RAB33A: variants seen among roughly 807,000 people sequenced by gnomAD.
RAB33A encodes the protein ras-related protein Rab-33A.
Under a neutral mutation model 12.0 loss-of-function variants are expected in RAB33A, and 6 were observed. The observed-to-expected ratio is 0.50, with a 90% CI of 0.27 to 0.99. RAB33A has a LOEUF of 0.99. Among genes scored for constraint, RAB33A ranks in the 50% least tolerant of loss-of-function variants. The probability of loss-of-function intolerance (pLI) is 0.11; values close to 1 mark genes in which losing one functional copy is unlikely to be tolerated. For missense variants in RAB33A, 109 were observed against 192.0 expected (o/e 0.57, Z 2.55); for synonymous variants, 70 against 82.4 (o/e 0.85, Z 0.81).
At chrX:130,175,702 A>C (rs1326523317) in intron 1 of RAB33A, among the ~76,000 whole-genome samples, 2 of 110,176 alleles carry the variant, frequency 1.8e-5, no homozygotes, top group African/African-American at 6.6e-5. Context: ...TCACCATGTT[A>C]GCCAGGCTGG....
At chrX:130,171,542 A>C, upstream of RAB33A, 1 of 117,597 alleles carries the variant, frequency 8.5e-6, no homozygotes, top group Non-Finnish European at 1.8e-5. Context: ...GGGGGTGGGG[A>C]GCCCGAAACC....
At chrX:130,175,748 C>T (rs776881267) in intron 1 of RAB33A, among the ~76,000 whole-genome samples, 11 of 111,191 alleles carry the variant, frequency 9.9e-5, no homozygotes, top group Non-Finnish European at 1.5e-4. Context: ...CCACCTGCCT[C>T]GACCTCCCAA....
chrX:130,171,138 A>G (rs770841982), upstream of RAB33A, among the ~76,000 whole-genome samples: 1 of 112,933 alleles, frequency 8.9e-6, no homozygotes, highest in African/African-American at 3.2e-5. Flanking sequence ...AGAAACAGTT[A>G]CACCCCCTAC....
At chrX:130,155,267 T>C in the RAB33A span, 1 of 1,210,773 alleles carries the variant, frequency 8.3e-7, no homozygotes, top group South Asian at 1.8e-5. Flanking sequence ...AAGGGGATCC[T>C]AGGTGATGAG....
chrX:130,169,499 T>A (rs1487670852), upstream of RAB33A, among the ~76,000 whole-genome samples: 1 of 111,742 alleles, frequency 8.9e-6, no homozygotes, highest in African/African-American at 3.2e-5. Context: ...TTACAATAGG[T>A]ACAATAAGGT....
At chrX:130,128,631 TG>T in the RAB33A span, among the ~76,000 whole-genome samples, 1 of 112,348 alleles carries the variant, frequency 8.9e-6, no homozygotes, top group Non-Finnish European at 1.9e-5. Flanking sequence ...TGCCAAACAA[TG>T]AGTTGACTTG....
chrX:130,136,755 G>C, the RAB33A span: 3 of 1,182,673 alleles, frequency 2.5e-6, no homozygotes, highest in Non-Finnish European at 3.5e-6. Context: ...CAAGACCTGA[G>C]AGTGAGCCTA....
the RAB33A span, chrX:130,136,540 G>T: frequency 2.7e-6 from 2 of 747,812 alleles, no homozygotes; most frequent in Non-Finnish European, 2.1e-6. Context: ...AATGGCAACT[G>T]CCAGGAAAAC....
the RAB33A span, among the ~76,000 whole-genome samples, chrX:130,127,833 G>A: frequency 4.6e-5 from 5 of 108,583 alleles, no homozygotes; most frequent in Admixed American, 2.0e-4. Flanking sequence ...GGGACTACAG[G>A]TGCATGCCAC....
the RAB33A span, among the ~76,000 whole-genome samples, chrX:130,111,785 G>T: frequency 8.9e-6 from 1 of 112,236 alleles, no homozygotes. Flanking sequence ...AGCCACTCAG[G>T]CACGCTCCCC....
the RAB33A span, among the ~76,000 whole-genome samples, chrX:130,117,797 CAG>C: frequency 8.9e-6 from 1 of 112,309 alleles, no homozygotes; most frequent in Admixed American, 9.4e-5. Context: ...CCAGTGGTGC[CAG>C]AGTTAACCCC....
chrX:130,117,997 C>T, the RAB33A span, among the ~76,000 whole-genome samples: 1 of 112,127 alleles, frequency 8.9e-6, no homozygotes, highest in East Asian at 2.8e-4. Flanking sequence ...TTCTGCAGGC[C>T]CTTGAGTGTG....
chrX:130,177,632 T>C (rs2031676130), intron 1 of RAB33A, among the ~76,000 whole-genome samples: 1 of 111,659 alleles, frequency 9.0e-6, no homozygotes, highest in African/African-American at 3.3e-5. Flanking sequence ...CTAATCCTCA[T>C]AGCATCCCTA....
chrX:130,182,491 A>C (rs1056239281), intron 1 of RAB33A, among the ~76,000 whole-genome samples: 1 of 110,999 alleles, frequency 9.0e-6, no homozygotes, highest in Non-Finnish European at 1.9e-5. Context: ...GTGGTGGCTC[A>C]TGCCTGTAAT....
At chrX:130,138,281 C>T in the RAB33A span, among the ~76,000 whole-genome samples, 34 of 110,243 alleles carry the variant, frequency 3.1e-4, no homozygotes, top group Non-Finnish European at 5.3e-4. Flanking sequence ...CTGGCTAACA[C>T]GGTGAAACCC....
chrX:130,136,118 C>T, the RAB33A span: 10 of 1,210,118 alleles, frequency 8.3e-6, no homozygotes, highest in Admixed American at 2.2e-4. Context: ...TATTTCCAGG[C>T]CACCAGTCTT....
chrX:130,137,860 C>T, the RAB33A span: 1 of 528,102 alleles, frequency 1.9e-6, no homozygotes, highest in Non-Finnish European at 2.4e-6. Flanking sequence ...GTTGGGAGTT[C>T]AAGACCAGCC....
chrX:130,168,979 G>A (rs1299827137), upstream of RAB33A, among the ~76,000 whole-genome samples: 1 of 110,284 alleles, frequency 9.1e-6, no homozygotes, highest in Non-Finnish European at 1.9e-5. Flanking sequence ...AGGCCAAGGC[G>A]GGCGGATCAC....
chrX:130,130,310 A>G, the RAB33A span: 4 of 676,396 alleles, frequency 5.9e-6, no homozygotes, highest in Non-Finnish European at 9.0e-6. Flanking sequence ...ATGCCCCCTC[A>G]GTAAACCCTG....
Sources: gnomAD v4.1 joint callset for allele counts (sites outside exome capture counted in the v4.1 genomes callset) on GRCh38, gnomAD v4.1.1 for gene constraint, MANE v1.5 for transcripts, NCBI Gene and HGNC (gene_info 2026-07-23, HGNC 2026-07-21) for gene names.